Variants in AHI1 observed in about 807,000 individuals in gnomAD.
The protein encoded by AHI1 is Abelson helper integration site 1, also known as jouberin.
AHI1 carries 123 observed loss-of-function variants against 149.3 expected under a neutral mutation model. The ratio of observed to expected loss-of-function variants is 0.82; its 90% confidence interval spans 0.71 to 0.96. The LOEUF is 0.96. Ranked by LOEUF, AHI1 falls within the 40% of genes least tolerant of loss-of-function variation. The probability of loss-of-function intolerance (pLI) is 0.00; values close to 1 mark genes in which losing one functional copy is unlikely to be tolerated. For missense variants in AHI1, 1,439 were observed against 1,422.7 expected (o/e 1.01, Z -0.18); for synonymous variants, 475 against 459.8 (o/e 1.03, Z -0.42).
At chr6:135,286,261 T>C (rs536220349) in intron 28 of AHI1, 9 of 152,552 alleles carry the variant, frequency 5.9e-5, no homozygotes, top group Admixed American at 1.3e-4. Flanking sequence ...AGAACCAATA[T>C]GCAGATGAAA....
At chr6:135,336,012 C>G (rs971654281) in intron 24 of AHI1, among the ~76,000 whole-genome samples, 1 of 149,810 alleles carries the variant, frequency 6.7e-6, no homozygotes, top group African/African-American at 2.5e-5. Flanking sequence ...ACTCAGGAGG[C>G]TGAGGCAGGA....
chr6:135,437,680 T>C (rs1389431830), intron 15 of AHI1, among the ~76,000 whole-genome samples: 1 of 152,172 alleles, frequency 6.6e-6, no homozygotes, highest in Non-Finnish European at 1.5e-5. Flanking sequence ...TACATGTCAG[T>C]TTCGTAGTGT....
intron 28 of AHI1, among the ~76,000 whole-genome samples, chr6:135,286,742 T>C (rs1562431948): frequency 6.6e-6 from 1 of 152,182 alleles, no homozygotes; most frequent in East Asian, 1.9e-4. Context: ...GATTTTAAAT[T>C]TGTTAAACAG....
intron 3 of AHI1, among the ~76,000 whole-genome samples, chr6:135,494,815 A>G (rs1225909063): frequency 6.6e-6 from 1 of 152,232 alleles, no homozygotes; most frequent in East Asian, 1.9e-4. Flanking sequence ...GATAGGTGAA[A>G]AACTGGGAGA....
intron 23 of AHI1, among the ~76,000 whole-genome samples, chr6:135,392,461 T>C (rs768569566): frequency 1.3e-5 from 2 of 152,188 alleles, no homozygotes; most frequent in Non-Finnish European, 2.9e-5. Flanking sequence ...ACCCCTACTC[T>C]TAAGTCTCCT....
chr6:135,450,364 A>G (rs1787905072), intron 11 of AHI1, among the ~76,000 whole-genome samples: 1 of 152,254 alleles, frequency 6.6e-6, no homozygotes, highest in South Asian at 2.1e-4. Context: ...AACGTTGTTC[A>G]GGAATGATAA....
At chr6:135,387,726 G>T in intron 23 of AHI1, 2 of 1,057,954 alleles carry the variant, frequency 1.9e-6, no homozygotes, top group Middle Eastern at 3.7e-4. Flanking sequence ...CCACTCTTTT[G>T]GCAATAAAAC....
chr6:135,389,085 C>T (rs779331645), intron 23 of AHI1, among the ~76,000 whole-genome samples: 6 of 151,620 alleles, frequency 4.0e-5, no homozygotes, highest in South Asian at 2.1e-4. Context: ...CCAAGGTGGG[C>T]GGATCACGAG....
chr6:135,342,521 T>C (rs1003601030), intron 24 of AHI1, among the ~76,000 whole-genome samples: 2 of 151,730 alleles, frequency 1.3e-5, no homozygotes, highest in Non-Finnish European at 1.5e-5. Flanking sequence ...AGAATCAACA[T>C]ATGAAAAAGA....
rs777491980 is a variant in AHI1, at chr6:135,431,283, C to T, written c.2298G>A (p.Gly766=). The change falls in exon 17 of 29, where the codon GGG becomes GGA. Residue 766 remains glycine (G), a synonymous_variant. Coordinates refer to ENST00000265602, the MANE Select transcript of AHI1 (RefSeq NM_001134831.2). ...CATAGGTATTCCAAACAACAATCAC[C>T]CCTGTACAATCTCCTGAATACATAT... ...GHHMYSGDCT[G]VIVVWNTYVK... is the part of the protein sequence containing the mutation. The T allele has an allele frequency of 3.1e-6, 5 of 1,607,618 alleles. No individual in the cohort carries two copies. The highest frequency in any genetic ancestry group is 4.3e-6 in the Non-Finnish European group (5 of 1,176,130).
Position 135,472,114 on chromosome 6 carries a change from G to T in AHI1, c.136-4480C>A, listed in dbSNP as rs148029573. On this transcript the variant is annotated intron_variant, in intron 5 of 28. Coordinates refer to ENST00000265602, the MANE Select transcript of AHI1 (RefSeq NM_001134831.2). The stretch of plus-strand genomic sequence containing the variant: ...TATAATTAAATGAATTTTGGCAAAT[G>T]TATGCAGTCATGTGACCACCACCAT... Among the ~76,000 whole-genome samples the T allele has an allele frequency of 3.8e-3, 535 of 140,788 alleles. 2 individuals carry two copies. The highest frequency in any genetic ancestry group is 6.6e-3 in the Non-Finnish European group (434 of 65,476). 92.4% of individuals were successfully genotyped at this position (140,788 alleles called of 152,430 possible). A position where few individuals can be genotyped will look rare whatever the true frequency, so the allele number is the denominator to read the frequency against.
intron 24 of AHI1, among the ~76,000 whole-genome samples, chr6:135,326,760 C>T (rs1188774118): frequency 1.2e-5 from 1 of 83,514 alleles, no homozygotes; most frequent in Non-Finnish European, 2.1e-5. Context: ...GGGGTTTCAC[C>T]ACGTTGGCCA....
intron 24 of AHI1, among the ~76,000 whole-genome samples, chr6:135,339,832 T>C (rs73559932): frequency 0.012 from 1,775 of 152,126 alleles, 39 homozygotes; most frequent in African/African-American, 0.041. Flanking sequence ...CCAAGTAGAA[T>C]AGATTAAAAA....
intron 27 of AHI1, among the ~76,000 whole-genome samples, chr6:135,293,582 C>T (rs1294343468): frequency 8.4e-6 from 1 of 118,858 alleles, no homozygotes; most frequent in Non-Finnish European, 1.6e-5. Context: ...ACAAGATCAA[C>T]ATACAATAAT....
Position 135,396,540 on chromosome 6 carries a change from T to C in AHI1, c.2989-1644A>G, listed in dbSNP as rs564593840. The stretch of plus-strand genomic sequence containing the variant: ...AGTAGTATACAAATAAGGTGTTATA[T>C]TAGTTATTATTAACATCACTAGAAG... On this transcript the variant is annotated intron_variant, in intron 22 of 28. Coordinates refer to ENST00000265602, the MANE Select transcript of AHI1 (RefSeq NM_001134831.2). Among the ~76,000 whole-genome samples the C allele has an allele frequency of 2.0e-5, 3 of 151,940 alleles. No homozygotes were observed. In the South Asian group the frequency reaches 6.2e-4, roughly 32 times the overall value.
chr6:135,404,850 A>C, intron 22 of AHI1, 101 bp downstream of exon 22: 2 of 1,015,498 alleles, frequency 2.0e-6, no homozygotes, highest in Non-Finnish European at 3.1e-6. Context: ...ACATCAGATT[A>C]ACTCTTATAA....
intron 24 of AHI1, among the ~76,000 whole-genome samples, chr6:135,349,143 C>T (rs1791688619): frequency 6.6e-6 from 1 of 152,094 alleles, no homozygotes; most frequent in Non-Finnish European, 1.5e-5. Flanking sequence ...TGGCACTGCA[C>T]CTAGCTAATT....
intron 27 of AHI1, among the ~76,000 whole-genome samples, chr6:135,294,342 A>G (rs1015944805): frequency 2.7e-5 from 4 of 150,676 alleles, no homozygotes; most frequent in Non-Finnish European, 3.0e-5. Flanking sequence ...AAACAAAACA[A>G]AACAAAACAA....
At chr6:135,475,879 G>C (rs1000309315) in intron 5 of AHI1, among the ~76,000 whole-genome samples, 3 of 151,928 alleles carry the variant, frequency 2.0e-5, no homozygotes, top group Non-Finnish European at 2.9e-5. Context: ...CAAGCCCGGG[G>C]GTGGCCATGG....
Sources: gnomAD v4.1 joint callset for allele counts (sites outside exome capture counted in the v4.1 genomes callset) on GRCh38, gnomAD v4.1.1 for gene constraint, MANE v1.5 for transcripts, NCBI Gene and HGNC (gene_info 2026-07-23, HGNC 2026-07-21) for gene names.